Variants in STXBP5 observed in about 807,000 individuals in gnomAD.
STXBP5 encodes syntaxin-binding protein 5.
A neutral mutation model predicts 152.4 loss-of-function variants in STXBP5; 50 were observed. The observed-to-expected ratio is 0.33, with a 90% CI of 0.26 to 0.42. The LOEUF (loss-of-function observed/expected upper bound fraction) is 0.42, where lower values mean the gene tolerates loss of function less well. STXBP5 is among the 10% of genes least tolerant of loss of function. The pLI, the probability that STXBP5 is intolerant of heterozygous loss-of-function variation, is 1.00. For synonymous variants in STXBP5, 492 were observed against 494.7 expected (o/e 0.99, Z 0.07); for missense variants, 1,167 against 1,388.6 (o/e 0.84, Z 2.54).
At chr6:147,271,380 G>A (rs1047068066) in intron 7 of STXBP5, among the ~76,000 whole-genome samples, 11 of 151,770 alleles carry the variant, frequency 7.2e-5, no homozygotes, top group African/African-American at 1.7e-4. Context: ...AGCTATACAC[G>A]GAATATCACC....
At chr6:147,243,816 A>G (rs1287589813) in intron 4 of STXBP5, among the ~76,000 whole-genome samples, 1 of 151,222 alleles carries the variant, frequency 6.6e-6, no homozygotes, top group Non-Finnish European at 1.5e-5. Context: ...TTTTTTGCTT[A>G]TGATTGTCCA....
chr6:147,328,960 T>C (rs1056686597), intron 18 of STXBP5, among the ~76,000 whole-genome samples: 4 of 152,170 alleles, frequency 2.6e-5, no homozygotes, highest in African/African-American at 9.6e-5. Context: ...CCCAATTCTA[T>C]TTCTTTGTAA....
chr6:147,358,956 G>A, intron 22 of STXBP5, 128 bp from the exon 23 acceptor site: 1 of 1,087,364 alleles, frequency 9.2e-7, no homozygotes, highest in Non-Finnish European at 1.3e-6. Flanking sequence ...AAAATGAAGT[G>A]AATATTAAAT....
chr6:147,321,957 A>G (rs1383645373), intron 16 of STXBP5, among the ~76,000 whole-genome samples: 2 of 151,976 alleles, frequency 1.3e-5, no homozygotes, highest in African/African-American at 4.8e-5. Flanking sequence ...CTGCCTTTTT[A>G]TTTTTACTTA....
At chr6:147,224,282 C>T (rs777218194) in intron 2 of STXBP5, among the ~76,000 whole-genome samples, 4 of 152,100 alleles carry the variant, frequency 2.6e-5, no homozygotes, top group African/African-American at 7.2e-5. Context: ...AGAAATTTGC[C>T]GGGCATGGTG....
chr6:147,277,823 C>T (rs999378249), intron 7 of STXBP5, among the ~76,000 whole-genome samples: 11 of 152,032 alleles, frequency 7.2e-5, no homozygotes, highest in Middle Eastern at 3.4e-3. Context: ...TGAACTTGTC[C>T]GTAGATGTCA....
At chr6:147,209,140 A>G (rs954303035) in intron 2 of STXBP5, among the ~76,000 whole-genome samples, 1 of 152,102 alleles carries the variant, frequency 6.6e-6, no homozygotes, top group African/African-American at 2.4e-5. Context: ...TCTAAACACA[A>G]TGAGGTCATT....
intron 22 of STXBP5, 32 bp downstream of exon 22, chr6:147,353,405 C>A: frequency 1.4e-6 from 2 of 1,443,238 alleles, no homozygotes; most frequent in South Asian, 1.3e-5. Flanking sequence ...AATAATTTAA[C>A]TCCCTATAAT....
chr6:147,298,420 C>T (rs1176081664), intron 9 of STXBP5, among the ~76,000 whole-genome samples: 2 of 152,046 alleles, frequency 1.3e-5, no homozygotes, highest in East Asian at 1.9e-4. Context: ...GCAATAGACA[C>T]ATCATCCAGG....
intron 2 of STXBP5, among the ~76,000 whole-genome samples, chr6:147,222,913 T>G (rs1777530415): frequency 6.6e-6 from 1 of 152,230 alleles, no homozygotes; most frequent in African/African-American, 2.4e-5. Flanking sequence ...GCTTGCTTCC[T>G]TACCCGGACA....
rs1366610246 is a variant in STXBP5, at chr6:147,363,736, A to G, written c.2915+32A>G. ...GTTAGATATGTTTTAAAACACAGATATAGCATTTCCTCCCTCAAACTATAC... is the reference window on the plus strand; with the variant it reads ...GTTAGATATGTTTTAAAACACAGATGTAGCATTTCCTCCCTCAAACTATAC... On this transcript the variant is annotated intron_variant, in intron 24 of 27. Coordinates refer to ENST00000321680, the MANE Select transcript of STXBP5 (RefSeq NM_001127715.4). 7.7e-6 allele frequency: 12 copies of G among 1,565,162 alleles called. No individual in the cohort carries two copies. In the Admixed American group the frequency reaches 1.5e-4, roughly 20 times the overall value.
intron 2 of STXBP5, among the ~76,000 whole-genome samples, chr6:147,211,210 G>A (rs1460571645): frequency 6.6e-6 from 1 of 151,726 alleles, no homozygotes; most frequent in Non-Finnish European, 1.5e-5. Flanking sequence ...CTCAGAGGCT[G>A]AGGCAGGAGA....
rs78632974 is a variant in STXBP5, at chr6:147,324,089, C to T, written c.1803-870C>T. ...AGCAATTATTAAAAAAGAGTCTCTG[C>T]GAACAAAAATACTGTCACCTCAAAG... On this transcript the variant is annotated intron_variant, in intron 16 of 27. Coordinates refer to ENST00000321680, the MANE Select transcript of STXBP5 (RefSeq NM_001127715.4). 1.3e-3 allele frequency among the ~76,000 whole-genome samples: 198 copies of T among 152,004 alleles called. 1 individual carries two copies. Among genetic ancestry groups the T allele is most frequent in the African/African-American group, 4.5e-3 (186 of 41,462 alleles).
chr6:147,332,346 G>A (rs1783617172), intron 18 of STXBP5, among the ~76,000 whole-genome samples: 1 of 152,170 alleles, frequency 6.6e-6, no homozygotes, highest in Non-Finnish European at 1.5e-5. Context: ...CATTAATAGT[G>A]CCGAGGGGAA....
intron 11 of STXBP5, among the ~76,000 whole-genome samples, chr6:147,311,769 A>T (rs189583405): frequency 2.0e-4 from 31 of 152,188 alleles, no homozygotes; most frequent in African/African-American, 6.5e-4. Context: ...ACATGATTCA[A>T]CCTGACACTT....
Position 147,318,155 on chromosome 6 carries a change from A to T in STXBP5, c.1802+1748A>T, listed in dbSNP as rs566251703. 5.1e-4 allele frequency among the ~76,000 whole-genome samples: 78 copies of T among 152,282 alleles called. 4 individuals carry two copies. The South Asian group carries it at 0.016, about 32-fold the overall frequency. On this transcript the variant is annotated intron_variant, in intron 16 of 27. Coordinates refer to ENST00000321680, the MANE Select transcript of STXBP5 (RefSeq NM_001127715.4). The stretch of plus-strand genomic sequence containing the variant: ...GTATAAAACATTAAATTCTTTTCCT[A>T]CCTGAAGAAAAAACACCATCAATGC...
chr6:147,314,214 G>T, intron 12 of STXBP5, 50 bp from the exon 13 acceptor site: 1 of 1,443,270 alleles, frequency 6.9e-7, no homozygotes, highest in Non-Finnish European at 9.7e-7. Flanking sequence ...CACACACGGA[G>T]GTATGTAGTA....
intron 9 of STXBP5, among the ~76,000 whole-genome samples, chr6:147,298,375 G>A (rs1282383310): frequency 1.3e-5 from 2 of 152,010 alleles, no homozygotes; most frequent in Non-Finnish European, 2.9e-5. Flanking sequence ...AACTGCAGTA[G>A]GTAAGTAGTA....
At chr6:147,248,557 G>A (rs762212887) in intron 4 of STXBP5, among the ~76,000 whole-genome samples, 15 of 152,126 alleles carry the variant, frequency 9.9e-5, no homozygotes, top group Non-Finnish European at 2.1e-4. Flanking sequence ...TGCAGCTGGA[G>A]CTTCTCATAA....
Sources: gnomAD v4.1 joint callset for allele counts (sites outside exome capture counted in the v4.1 genomes callset) on GRCh38, gnomAD v4.1.1 for gene constraint, MANE v1.5 for transcripts, NCBI Gene and HGNC (gene_info 2026-07-23, HGNC 2026-07-21) for gene names.